QTMAN: variants seen among roughly 807,000 people sequenced by gnomAD.
QTMAN encodes queuosine-tRNA mannosyltransferase.
chr2:144,223,770 G>A, the QTMAN span, among the ~76,000 whole-genome samples: 36 of 152,182 alleles, frequency 2.4e-4, no homozygotes, highest in African/African-American at 8.4e-4. Context: ...CATATAAAAC[G>A]ATTTTTAAAA....
At chr2:144,222,608 C>T in the QTMAN span, among the ~76,000 whole-genome samples, 1 of 151,414 alleles carries the variant, frequency 6.6e-6, no homozygotes, top group Non-Finnish European at 1.5e-5. Context: ...AGATCAAGAC[C>T]ATCTTGGCTA....
chr2:144,058,602 A>G, the QTMAN span, among the ~76,000 whole-genome samples: 4 of 152,202 alleles, frequency 2.6e-5, no homozygotes, highest in African/African-American at 4.8e-5. Context: ...TTTATACTGT[A>G]TCAAGTTTAA....
chr2:144,171,978 C>T, the QTMAN span, among the ~76,000 whole-genome samples: 1 of 151,970 alleles, frequency 6.6e-6, no homozygotes, highest in Admixed American at 6.6e-5. Context: ...CTAAAAAATA[C>T]GCTTCACATT....
chr2:144,332,910 C>T, the QTMAN span, among the ~76,000 whole-genome samples: 1 of 152,196 alleles, frequency 6.6e-6, no homozygotes, highest in African/African-American at 2.4e-5. Flanking sequence ...CTGTGCTGTT[C>T]ATTAGGTCGA....
the QTMAN span, among the ~76,000 whole-genome samples, chr2:144,201,558 T>C: frequency 6.6e-6 from 1 of 152,194 alleles, no homozygotes; most frequent in East Asian, 1.9e-4. Context: ...CAAATGGATA[T>C]AGGCACTAAG....
chr2:144,161,866 A>G, the QTMAN span, among the ~76,000 whole-genome samples: 3 of 152,340 alleles, frequency 2.0e-5, no homozygotes, highest in African/African-American at 7.2e-5. Flanking sequence ...GGGGTAAGGC[A>G]AAGAGAGCTT....
At chr2:144,295,965 A>G in the QTMAN span, among the ~76,000 whole-genome samples, 5 of 152,190 alleles carry the variant, frequency 3.3e-5, no homozygotes, top group Non-Finnish European at 7.4e-5. Context: ...TTTTAGCTAC[A>G]CAATACACAA....
At chr2:144,278,667 T>C in the QTMAN span, among the ~76,000 whole-genome samples, 1 of 151,952 alleles carries the variant, frequency 6.6e-6, no homozygotes, top group Non-Finnish European at 1.5e-5. Flanking sequence ...GTTCTTTCTA[T>C]ACCACATCTT....
chr2:144,106,947 G>C, the QTMAN span, among the ~76,000 whole-genome samples: 1 of 152,222 alleles, frequency 6.6e-6, no homozygotes, highest in Admixed American at 6.5e-5. Context: ...TCAGGATTAA[G>C]AAACTCACTC....
the QTMAN span, chr2:144,294,497 G>A: frequency 1.3e-5 from 2 of 152,022 alleles, no homozygotes; most frequent in African/African-American, 4.8e-5. Context: ...CAAGTCCTAG[G>A]GCAAAAATGG....
the QTMAN span, among the ~76,000 whole-genome samples, chr2:143,955,980 G>C: frequency 6.6e-6 from 1 of 152,292 alleles, no homozygotes; most frequent in East Asian, 1.9e-4. Context: ...CATCTGCCCA[G>C]GGCTGTGGGG....
the QTMAN span, among the ~76,000 whole-genome samples, chr2:144,326,931 G>C: frequency 8.5e-5 from 13 of 152,238 alleles, no homozygotes; most frequent in East Asian, 2.3e-3. Flanking sequence ...ATGAGAGAGA[G>C]AGGAAGATTC....
chr2:144,297,226 A>G, the QTMAN span, among the ~76,000 whole-genome samples: 1 of 152,188 alleles, frequency 6.6e-6, no homozygotes, highest in African/African-American at 2.4e-5. Context: ...TTACTCTGTC[A>G]ATTTTACCTA....
the QTMAN span, among the ~76,000 whole-genome samples, chr2:144,073,491 T>TA: frequency 6.6e-6 from 1 of 152,198 alleles, no homozygotes; most frequent in Admixed American, 6.5e-5. Context: ...TTTGTGCAAT[T>TA]ATGGATCCAC....
the QTMAN span, among the ~76,000 whole-genome samples, chr2:144,219,987 T>C: frequency 6.6e-6 from 1 of 152,324 alleles, no homozygotes; most frequent in Non-Finnish European, 1.5e-5. Flanking sequence ...TTCTAGTCAC[T>C]ATATATATTT....
chr2:144,171,920 T>C, the QTMAN span, among the ~76,000 whole-genome samples: 36 of 152,264 alleles, frequency 2.4e-4, no homozygotes, highest in Non-Finnish European at 3.8e-4. Flanking sequence ...ATTTTGAAAA[T>C]CAGAAGTATA....
At chr2:144,285,577 C>A in the QTMAN span, among the ~76,000 whole-genome samples, 1 of 152,200 alleles carries the variant, frequency 6.6e-6, no homozygotes, top group Non-Finnish European at 1.5e-5. Context: ...ATACATCACA[C>A]CATTTTTCAG....
At chr2:144,140,556 T>C in the QTMAN span, among the ~76,000 whole-genome samples, 2 of 152,066 alleles carry the variant, frequency 1.3e-5, no homozygotes, top group African/African-American at 2.4e-5. Context: ...ATAAGAAAAC[T>C]ATGTCTACAA....
chr2:144,141,872 A>G, the QTMAN span: 2 of 1,584,720 alleles, frequency 1.3e-6, no homozygotes, highest in Admixed American at 1.7e-5. Context: ...ACAGAGTCAA[A>G]CATACTGACC....
Sources: gnomAD v4.1 joint callset for allele counts (sites outside exome capture counted in the v4.1 genomes callset) on GRCh38, gnomAD v4.1.1 for gene constraint, MANE v1.5 for transcripts, NCBI Gene and HGNC (gene_info 2026-07-23, HGNC 2026-07-21) for gene names.